MPP7: variants seen among roughly 807,000 people sequenced by gnomAD.
MPP7 encodes the protein MAGUK p55 scaffold protein 7, also known as MAGUK p55 subfamily member 7.
In MPP7, 60 loss-of-function variants were observed where a neutral mutation model predicts 76.5. The observed-to-expected ratio is 0.78, with a 90% CI of 0.64 to 0.97. The LOEUF is 0.97. Among genes scored for constraint, MPP7 ranks in the 50% least tolerant of loss-of-function variants. MPP7 has a pLI of 0.00. For synonymous variants in MPP7, 237 were observed against 244.5 expected (o/e 0.97, Z 0.29); for missense variants, 641 against 694.0 (o/e 0.92, Z 0.86).
At position 28,052,312 on chromosome 10, in the gene MPP7, A is replaced by G. The variant is rs574683644; in HGVS notation, c.*1753T>C. 4 of 152,076 alleles carry G rather than the reference A, an allele frequency of 2.6e-5. No homozygotes were observed. In the South Asian group the frequency reaches 8.3e-4, roughly 32 times the overall value. The allele number at this position is 152,076 out of a possible 1,614,324, so 9.4% of individuals were successfully genotyped here. A position where few individuals can be genotyped will look rare whatever the true frequency, so the allele number is the denominator to read the frequency against. On this transcript the variant is annotated 3_prime_UTR_variant, in exon 17 of 17. Transcript: ENST00000683449. ...ATCTACTTAAGACTTCAGGTTGGCA[A>G]CCCTCCCTCTTTCATTTTTTAAAAA...
At chr10:28,270,532 A>AGGGGGGGG (rs71391026) in intron 1 of MPP7, among the ~76,000 whole-genome samples, 1 of 15,508 alleles carries the variant, frequency 6.4e-5, no homozygotes. Flanking sequence ...AAAAAAAAAA[A>AGGGGGGGG]GGGGGGGGGG....
At chr10:28,105,690 T>C (rs1242986256) in intron 11 of MPP7, among the ~76,000 whole-genome samples, 1 of 152,162 alleles carries the variant, frequency 6.6e-6, no homozygotes, top group African/African-American at 2.4e-5. Flanking sequence ...GTATTTTCAG[T>C]AGAGAAGGAG....
At chr10:28,158,420 G>A (rs2133811982) in intron 3 of MPP7, among the ~76,000 whole-genome samples, 1 of 152,228 alleles carries the variant, frequency 6.6e-6, no homozygotes, top group Admixed American at 6.5e-5. Flanking sequence ...GGAAAAGAGG[G>A]GACAGCCGGC....
intron 3 of MPP7, among the ~76,000 whole-genome samples, chr10:28,187,239 C>T (rs1837267491): frequency 6.6e-6 from 1 of 152,132 alleles, no homozygotes; most frequent in Admixed American, 6.5e-5. Flanking sequence ...TCCTTACTCT[C>T]AAGGAAATCT....
chr10:28,089,309 C>T (rs1853172250), intron 12 of MPP7, among the ~76,000 whole-genome samples: 1 of 152,164 alleles, frequency 6.6e-6, no homozygotes, highest in African/African-American at 2.4e-5. Context: ...TAAATGCCAT[C>T]TGAAGCTTGT....
At chr10:28,235,907 T>C (rs1274165056) in intron 2 of MPP7, among the ~76,000 whole-genome samples, 2 of 152,154 alleles carry the variant, frequency 1.3e-5, no homozygotes, top group East Asian at 3.8e-4. Context: ...TGTAAATAAA[T>C]TCTGCAAGTA....
chr10:28,276,520 A>G (rs537233393), intron 1 of MPP7, among the ~76,000 whole-genome samples: 3 of 152,140 alleles, frequency 2.0e-5, no homozygotes, highest in Non-Finnish European at 4.4e-5. Context: ...GAAATTACAT[A>G]AAGACAAACA....
intron 3 of MPP7, among the ~76,000 whole-genome samples, chr10:28,195,246 ATGT>A (rs1429786139): frequency 6.6e-6 from 1 of 152,208 alleles, no homozygotes; most frequent in Admixed American, 6.5e-5. Flanking sequence ...ATAAAAACAA[ATGT>A]TGGTGAAGAT....
At position 28,079,563 on chromosome 10, in the gene MPP7, G is replaced by A. The variant is rs530446857; in HGVS notation, c.1124-9711C>T. On this transcript the variant is annotated intron_variant, in intron 12 of 16. Transcript: ENST00000683449. ...AAAGATTTCAGGCAATAACATCAGC[G>A]CCTAGAAGCGCACCCAAAACCATAC... Among the ~76,000 whole-genome samples the A allele has an allele frequency of 7.9e-5, 12 of 152,150 alleles. No individual in the cohort carries two copies. The South Asian group carries it at 1.0e-3, about 13-fold the overall frequency.
intron 2 of MPP7, among the ~76,000 whole-genome samples, chr10:28,227,171 A>C (rs1205224498): frequency 1.3e-5 from 2 of 152,236 alleles, no homozygotes; most frequent in African/African-American, 4.8e-5. Context: ...ATTCAGTGTT[A>C]AAGAATACAA....
At chr10:28,230,666 A>C (rs1838850449) in intron 2 of MPP7, among the ~76,000 whole-genome samples, 1 of 152,028 alleles carries the variant, frequency 6.6e-6, no homozygotes, top group African/African-American at 2.4e-5. Context: ...AAATACAAAA[A>C]ATTAGCTGGC....
intron 2 of MPP7, among the ~76,000 whole-genome samples, chr10:28,309,466 A>T (rs1841277014): frequency 6.6e-6 from 1 of 151,466 alleles, no homozygotes; most frequent in African/African-American, 2.4e-5. Flanking sequence ...AGTCTATCAC[A>T]ACACTGTTTC....
chr10:28,226,841 C>T (rs1292683281), intron 2 of MPP7, among the ~76,000 whole-genome samples: 2 of 152,092 alleles, frequency 1.3e-5, no homozygotes, highest in African/African-American at 4.8e-5. Context: ...AAATGAAACA[C>T]AAATATTATG....
intron 3 of MPP7, among the ~76,000 whole-genome samples, chr10:28,188,046 T>C (rs1046125138): frequency 6.6e-6 from 1 of 152,220 alleles, no homozygotes; most frequent in African/African-American, 2.4e-5. Context: ...GGTTGCTCTA[T>C]GAGCCTCTGT....
At chr10:28,086,854 C>T (rs1242478424) in intron 12 of MPP7, among the ~76,000 whole-genome samples, 2 of 152,134 alleles carry the variant, frequency 1.3e-5, no homozygotes, top group Admixed American at 1.3e-4. Flanking sequence ...CTCTGGACAG[C>T]GCACAAAAGG....
intron 1 of MPP7, among the ~76,000 whole-genome samples, chr10:28,262,503 T>C (rs983241368): frequency 1.3e-5 from 2 of 151,818 alleles, no homozygotes; most frequent in East Asian, 1.9e-4. Context: ...TAAAAAGTTG[T>C]CACAAATATT....
At chr10:28,327,494 G>T (rs1834428324) in intron 2 of MPP7, among the ~76,000 whole-genome samples, 1 of 152,062 alleles carries the variant, frequency 6.6e-6, no homozygotes. Context: ...GGAAGAGCTG[G>T]ATAAAGACAG....
intron 13 of MPP7, among the ~76,000 whole-genome samples, chr10:28,065,762 G>A (rs146781572): frequency 0.014 from 2,061 of 152,102 alleles, 18 homozygotes; most frequent in Non-Finnish European, 0.022. Flanking sequence ...AGTATTGTAT[G>A]GACAAACAAG....
intron 8 of MPP7, among the ~76,000 whole-genome samples, chr10:28,122,722 T>C (rs1354244829): frequency 1.3e-5 from 2 of 152,186 alleles, no homozygotes; most frequent in African/African-American, 2.4e-5. Context: ...GTTTTTCTTA[T>C]TGATTTTTAT....
Sources: allele counts gnomAD v4.1 joint callset (sites outside exome capture counted in the v4.1 genomes callset), GRCh38; gene constraint gnomAD v4.1.1; transcripts MANE v1.5; gene names NCBI Gene and HGNC (gene_info 2026-07-23, HGNC 2026-07-21).